Variants in CIMIP1 observed in about 807,000 individuals in gnomAD.
CIMIP1 encodes low in lung cancer 1.
the CIMIP1 span, chr20:58,153,720 A>G: frequency 9.3e-6 from 9 of 969,104 alleles, 1 homozygote; most frequent in Admixed American, 1.5e-4. Flanking sequence ...ATAAAACTAA[A>G]GAGCATGTTG....
the CIMIP1 span, among the ~76,000 whole-genome samples, chr20:58,156,285 AG>A: frequency 6.6e-6 from 1 of 152,234 alleles, no homozygotes; most frequent in East Asian, 1.9e-4. Context: ...TGGTCAGGGA[AG>A]GGGCCCTTTG....
At chr20:58,157,892 G>C in the CIMIP1 span, among the ~76,000 whole-genome samples, 1 of 152,190 alleles carries the variant, frequency 6.6e-6, no homozygotes, top group Non-Finnish European at 1.5e-5. Context: ...CATTTTTCCA[G>C]AGCTGGGCTT....
the CIMIP1 span, chr20:58,151,061 G>C: frequency 6.4e-7 from 1 of 1,574,320 alleles, no homozygotes; most frequent in African/African-American, 1.3e-5. Context: ...CAACGCGGTG[G>C]GCTCCTGTTC....
chr20:58,155,400 G>T, the CIMIP1 span: 1 of 1,315,880 alleles, frequency 7.6e-7, no homozygotes, highest in South Asian at 1.3e-5. Flanking sequence ...CCGTCTCTGG[G>T]GATTCTGTTT....
the CIMIP1 span, chr20:58,151,158 G>A: frequency 5.9e-6 from 5 of 854,004 alleles, no homozygotes; most frequent in South Asian, 1.6e-5. Context: ...GCAGAGGGGC[G>A]TGCGCTGAGG....
the CIMIP1 span, among the ~76,000 whole-genome samples, chr20:58,155,970 C>T: frequency 6.6e-6 from 1 of 152,212 alleles, no homozygotes; most frequent in Non-Finnish European, 1.5e-5. Flanking sequence ...GTGGCTTGAC[C>T]TCTCTGTGTC....
At chr20:58,156,916 G>C in the CIMIP1 span, among the ~76,000 whole-genome samples, 1 of 152,134 alleles carries the variant, frequency 6.6e-6, no homozygotes, top group Non-Finnish European at 1.5e-5. Context: ...CATGCTCGTG[G>C]TCTGATGGGG....
the CIMIP1 span, chr20:58,151,091 C>T: frequency 6.8e-7 from 1 of 1,475,378 alleles, no homozygotes; most frequent in Non-Finnish European, 9.3e-7. Flanking sequence ...GTGTCCACAT[C>T]TGGGGTCTCA....
At chr20:58,160,729 C>G in the CIMIP1 span, 1 of 1,614,166 alleles carries the variant, frequency 6.2e-7, no homozygotes, top group Non-Finnish European at 8.5e-7. Flanking sequence ...CAGTGCCAGG[C>G]CTGAACAAGT....
At chr20:58,153,484 C>A in the CIMIP1 span, 5 of 1,283,380 alleles carry the variant, frequency 3.9e-6, no homozygotes, top group Non-Finnish European at 5.7e-6. Context: ...GGAAATGTCC[C>A]CCACAGACCC....
At chr20:58,157,690 G>A in the CIMIP1 span, among the ~76,000 whole-genome samples, 1 of 152,130 alleles carries the variant, frequency 6.6e-6, no homozygotes, top group Non-Finnish European at 1.5e-5. Flanking sequence ...CATGAGATTT[G>A]GGAGAATAAT....
the CIMIP1 span, among the ~76,000 whole-genome samples, chr20:58,151,748 A>G: frequency 6.6e-6 from 1 of 152,152 alleles, no homozygotes. Flanking sequence ...AAAAATCCTA[A>G]TATTTGTTAA....
the CIMIP1 span, among the ~76,000 whole-genome samples, chr20:58,151,903 C>T: frequency 1.3e-5 from 2 of 152,202 alleles, no homozygotes; most frequent in East Asian, 1.9e-4. Context: ...CTATCTGCTA[C>T]GTATTATTGC....
the CIMIP1 span, among the ~76,000 whole-genome samples, chr20:58,153,816 G>A: frequency 6.6e-6 from 1 of 152,230 alleles, no homozygotes; most frequent in Non-Finnish European, 1.5e-5. Context: ...GCATGTTCTA[G>A]GTGCTTCGGC....
At chr20:58,153,633 T>C in the CIMIP1 span, 3 of 1,581,176 alleles carry the variant, frequency 1.9e-6, no homozygotes, top group South Asian at 3.3e-5. Flanking sequence ...GAGGTAAATA[T>C]AAATTGTATG....
At chr20:58,160,998 A>T in the CIMIP1 span, 1 of 590,726 alleles carries the variant, frequency 1.7e-6, no homozygotes, top group East Asian at 3.1e-5. Flanking sequence ...CATCAGCGTC[A>T]CCCTTCCAGA....
the CIMIP1 span, chr20:58,160,844 G>C: frequency 6.2e-7 from 1 of 1,601,304 alleles, no homozygotes; most frequent in Non-Finnish European, 8.5e-7. Context: ...GTTCTGCCCA[G>C]GGGTGCTGCA....
the CIMIP1 span, among the ~76,000 whole-genome samples, chr20:58,159,072 G>A: frequency 6.6e-6 from 1 of 152,082 alleles, no homozygotes; most frequent in East Asian, 1.9e-4. Context: ...GCTCCGCAAG[G>A]CATCCCTTGC....
chr20:58,151,121 G>C, the CIMIP1 span: 1 of 1,285,574 alleles, frequency 7.8e-7, no homozygotes, highest in Non-Finnish European at 1.1e-6. Flanking sequence ...CCAAGTCCGG[G>C]AAGTGATCGA....
Sources: allele counts gnomAD v4.1 joint callset (sites outside exome capture counted in the v4.1 genomes callset), GRCh38; gene constraint gnomAD v4.1.1; transcripts MANE v1.5; gene names NCBI Gene and HGNC (gene_info 2026-07-23, HGNC 2026-07-21).